CPSF3: variants seen among roughly 807,000 people sequenced by gnomAD.
CPSF3 encodes cleavage and polyadenylation specific factor 3.
A neutral mutation model predicts 84.1 loss-of-function variants in CPSF3; 57 were observed. The observed-to-expected ratio is 0.68, with a 90% CI of 0.55 to 0.85. The LOEUF is 0.85. Among genes scored for constraint, CPSF3 ranks in the 40% least tolerant of loss-of-function variants. The pLI is 0.00. For synonymous variants in CPSF3, 275 were observed against 278.1 expected (o/e 0.99, Z 0.11); for missense variants, 522 against 838.8 (o/e 0.62, Z 4.66).
intron 6 of CPSF3, among the ~76,000 whole-genome samples, chr2:9,435,712 C>T (rs562820062): frequency 3.3e-5 from 5 of 150,532 alleles, no homozygotes; most frequent in Admixed American, 6.6e-5. Context: ...CCACCATGCC[C>T]GGCCTCTTTT....
intron 1 of CPSF3, 142 bp downstream of exon 1, chr2:9,423,965 C>T: frequency 6.9e-7 from 1 of 1,457,052 alleles, no homozygotes. Context: ...CCAGGCTTCT[C>T]AGGCTCGAGG....
In CPSF3 at chr2:9,440,637, TTTG is replaced by T; in HGVS notation, c.910_912del (p.Val304del). On this transcript the variant is annotated inframe_deletion, in exon 8 of 18. Transcript: ENST00000238112. ...CAAACAGATCAACATCAATAATCCC[TTTG>T]TTTTCAAACACATTAGTAACCTCAA... is the stretch of plus-strand genomic sequence containing the variant. 1 of 1,614,198 alleles carries T rather than the reference TTTG, an allele frequency of 6.2e-7. No individual in the cohort carries two copies. The highest frequency in any genetic ancestry group is 8.5e-7 in the Non-Finnish European group (1 of 1,180,032).
chr2:9,466,172 C>T (rs1357647909), intron 15 of CPSF3, among the ~76,000 whole-genome samples: 1 of 138,314 alleles, frequency 7.2e-6, no homozygotes, highest in African/African-American at 2.6e-5. Flanking sequence ...AAAACCCTGT[C>T]TCTACACGCA....
chr2:9,436,774 A>AAATAATAAT (rs70948816), intron 7 of CPSF3, among the ~76,000 whole-genome samples: 6,017 of 143,002 alleles, frequency 0.042, 183 homozygotes, highest in Middle Eastern at 0.085. Flanking sequence ...CCATCTCAAA[A>AAATAATAAT]AATAATAATA....
At chr2:9,427,223 AAG>A (rs1476600215) in intron 1 of CPSF3, among the ~76,000 whole-genome samples, 5 of 152,194 alleles carry the variant, frequency 3.3e-5, no homozygotes, top group Non-Finnish European at 5.9e-5. Context: ...TCATTGTGGA[AAG>A]AGAGGTCTAT....
intron 14 of CPSF3, among the ~76,000 whole-genome samples, chr2:9,457,416 C>T (rs2124852633): frequency 6.6e-6 from 1 of 152,098 alleles, no homozygotes; most frequent in South Asian, 2.1e-4. Context: ...TTAAAACAAA[C>T]TTAGGTACCA....
At position 9,471,435 on chromosome 2, in the gene CPSF3, C is replaced by G. The variant is rs1292732254; in HGVS notation, c.1949C>G (p.Thr650Arg). Residue 650 changes from threonine (T) to arginine (R), a missense_variant, in exon 17 of 18, where the codon ACA (threonine) becomes AGA (arginine). Around this residue, in one of 2 missense-constraint regions of CPSF3, gnomAD observed 193 missense variants for 231.6 expected, o/e 0.83. Transcript: ENST00000238112. ...DGKTANLNLE[T>R]RTVECEEGSE... is the part of the protein sequence containing the mutation. ...AAAACTGCCAACCTTAACTTGGAGA[C>G]ACGGGTATGTAGCTGCTCTTTCCTA... is the stretch of plus-strand genomic sequence containing the variant. The G allele has an allele frequency of 6.3e-7, 1 of 1,584,394 alleles. No homozygotes were observed. The highest frequency in any genetic ancestry group is 1.7e-5 in the Admixed American group (1 of 59,966).
intron 13 of CPSF3, 110 bp downstream of exon 13, chr2:9,455,867 A>C: frequency 1.4e-6 from 1 of 724,894 alleles, no homozygotes; most frequent in Non-Finnish European, 2.2e-6. Context: ...AGAATTGTGT[A>C]AGTTTTATAA....
chr2:9,447,974 TC>T (rs1180158656), intron 10 of CPSF3, among the ~76,000 whole-genome samples: 2 of 152,188 alleles, frequency 1.3e-5, no homozygotes, highest in African/African-American at 4.8e-5. Context: ...AAAAGAAGTT[TC>T]TTTACTCTTT....
chr2:9,430,713 A>T, intron 3 of CPSF3, 39 bp from the exon 4 acceptor site: 1 of 1,579,582 alleles, frequency 6.3e-7, no homozygotes, highest in Non-Finnish European at 8.6e-7. Context: ...TCTGATGGAT[A>T]ATAATTTTAA....
chr2:9,464,047 CTTGTAT>C (rs1407349172), intron 15 of CPSF3, among the ~76,000 whole-genome samples: 3 of 151,566 alleles, frequency 2.0e-5, no homozygotes, highest in Non-Finnish European at 4.4e-5. Flanking sequence ...GGAAACACAA[CTTGTAT>C]TTGTATCTGT....
At chr2:9,450,925 T>C (rs1558459013) in intron 11 of CPSF3, among the ~76,000 whole-genome samples, 1 of 152,130 alleles carries the variant, frequency 6.6e-6, no homozygotes, top group African/African-American at 2.4e-5. Context: ...TTGTTGTAAA[T>C]AGTCGTAGTT....
intron 17 of CPSF3, 64 bp from the exon 18 acceptor site, chr2:9,472,852 A>C: frequency 1.8e-6 from 2 of 1,113,430 alleles, no homozygotes; most frequent in East Asian, 5.1e-5. Context: ...AAGAGTATTC[A>C]TTTATCTTCT....
At chr2:9,432,138 T>C (rs1191603179) in intron 4 of CPSF3, among the ~76,000 whole-genome samples, 1 of 152,238 alleles carries the variant, frequency 6.6e-6, no homozygotes, top group Non-Finnish European at 1.5e-5. Flanking sequence ...GTGAGAAATA[T>C]CTGCCATGGT....
At chr2:9,449,261 G>A (rs776950801) in intron 11 of CPSF3, among the ~76,000 whole-genome samples, 4 of 151,974 alleles carry the variant, frequency 2.6e-5, no homozygotes, top group South Asian at 2.1e-4. Context: ...GTGGTCGCAG[G>A]TGCCTGTAAT....
chr2:9,463,590 C>T (rs979717349), intron 15 of CPSF3, among the ~76,000 whole-genome samples: 2 of 152,206 alleles, frequency 1.3e-5, no homozygotes, highest in African/African-American at 4.8e-5. Context: ...TAATAAGTAG[C>T]ACTTGCTCCT....
At chr2:9,437,129 C>T (rs375279250) in intron 7 of CPSF3, among the ~76,000 whole-genome samples, 91 of 148,434 alleles carry the variant, frequency 6.1e-4, no homozygotes, top group African/African-American at 2.1e-3. Context: ...CTGGGCTGGA[C>T]GTGGTGGCTC....
At chr2:9,445,335 A>G (rs999096827) in intron 10 of CPSF3, among the ~76,000 whole-genome samples, 1 of 152,198 alleles carries the variant, frequency 6.6e-6, no homozygotes, top group Non-Finnish European at 1.5e-5. Context: ...TATGTAGACC[A>G]CATGTTGTTT....
At chr2:9,452,048 G>C (rs539355277) in intron 11 of CPSF3, among the ~76,000 whole-genome samples, 1 of 152,234 alleles carries the variant, frequency 6.6e-6, no homozygotes, top group Admixed American at 6.5e-5. Flanking sequence ...GAATAGTGGG[G>C]CTGGGTGTCA....
Sources: allele counts gnomAD v4.1 joint callset (sites outside exome capture counted in the v4.1 genomes callset), GRCh38; gene constraint gnomAD v4.1.1; regional missense constraint gnomAD v4.1.1; transcripts MANE v1.5; gene names NCBI Gene and HGNC (gene_info 2026-07-23, HGNC 2026-07-21).